ZFAND3: variants seen among roughly 807,000 people sequenced by gnomAD.
ZFAND3 encodes zinc finger AN1-type containing 3, also known as AN1-type zinc finger protein 3.
ZFAND3 carries 10 observed loss-of-function variants against 29.6 expected under a neutral mutation model. That is an observed-to-expected ratio of 0.34 (90% CI 0.21 to 0.57). The LOEUF (loss-of-function observed/expected upper bound fraction) is 0.57, where lower values mean the gene tolerates loss of function less well. ZFAND3 is among the 20% of genes least tolerant of loss of function. ZFAND3 has a pLI of 0.86. For synonymous variants in ZFAND3, 128 were observed against 112.6 expected, an observed-to-expected ratio of 1.14 and a Z score of -0.87; for missense variants, 230 against 304.5, an observed-to-expected ratio of 0.76 and a Z score of 1.82.
intron 2 of ZFAND3, among the ~76,000 whole-genome samples, chr6:37,987,659 G>GT (rs1438749880): frequency 6.6e-6 from 1 of 152,186 alleles, no homozygotes; most frequent in African/African-American, 2.4e-5. Context: ...TAACCCCTGT[G>GT]TAAGCACTGC....
chr6:38,128,043 C>T (rs1188767832), intron 5 of ZFAND3, among the ~76,000 whole-genome samples: 2 of 152,170 alleles, frequency 1.3e-5, no homozygotes, highest in Non-Finnish European at 2.9e-5. Context: ...AAAACCTTGC[C>T]CAGGACTTGG....
At chr6:38,062,859 G>T (rs891167175) in intron 3 of ZFAND3, among the ~76,000 whole-genome samples, 5 of 152,004 alleles carry the variant, frequency 3.3e-5, no homozygotes, top group African/African-American at 9.7e-5. Context: ...GCCAAGCCAG[G>T]AGGATTGCTT....
At chr6:38,056,123 A>G (rs1316424556) in intron 2 of ZFAND3, among the ~76,000 whole-genome samples, 1 of 152,232 alleles carries the variant, frequency 6.6e-6, no homozygotes. Context: ...TCTATGATAT[A>G]ACTTAAGGAA....
intron 5 of ZFAND3, among the ~76,000 whole-genome samples, chr6:38,148,960 C>T (rs1232096273): frequency 5.9e-5 from 9 of 152,140 alleles, no homozygotes. Context: ...CAGAGTTTCC[C>T]CCAAAGTTTT....
chr6:37,826,628 C>T (rs1763765593), intron 1 of ZFAND3, among the ~76,000 whole-genome samples: 1 of 151,960 alleles, frequency 6.6e-6, no homozygotes, highest in Non-Finnish European at 1.5e-5. Context: ...TGGCATGCTC[C>T]TGTAGTCTCA....
At chr6:37,938,446 A>G (rs1196707250) in intron 2 of ZFAND3, among the ~76,000 whole-genome samples, 1 of 152,094 alleles carries the variant, frequency 6.6e-6, no homozygotes, top group Non-Finnish European at 1.5e-5. Context: ...CTGTAGAGGG[A>G]CATTTGTTTT....
intron 2 of ZFAND3, among the ~76,000 whole-genome samples, chr6:37,946,598 G>C (rs1415996604): frequency 6.6e-6 from 1 of 152,046 alleles, no homozygotes; most frequent in African/African-American, 2.4e-5. Flanking sequence ...GATCAGGGTT[G>C]GGGGAGAGGG....
chr6:37,918,951 C>CTTTTTTTTTT (rs66941014), intron 1 of ZFAND3, among the ~76,000 whole-genome samples: 3,795 of 104,248 alleles, frequency 0.036, 397 homozygotes, highest in African/African-American at 0.068. Context: ...TGAAAAATGC[C>CTTTTTTTTTT]TTTTTTTTTT....
chr6:38,104,885 A>G (rs1247246026), intron 4 of ZFAND3, among the ~76,000 whole-genome samples: 1 of 152,168 alleles, frequency 6.6e-6, no homozygotes, highest in Non-Finnish European at 1.5e-5. Context: ...TTGTCTTCGT[A>G]ATAAGGTACT....
At chr6:37,906,006 C>A (rs1765399682) in intron 1 of ZFAND3, among the ~76,000 whole-genome samples, 1 of 152,034 alleles carries the variant, frequency 6.6e-6, no homozygotes, top group Non-Finnish European at 1.5e-5. Context: ...ATGTTGTACA[C>A]CCACAGGCAG....
intron 3 of ZFAND3, among the ~76,000 whole-genome samples, chr6:38,078,086 A>G (rs1354613418): frequency 6.6e-6 from 1 of 152,208 alleles, no homozygotes; most frequent in Non-Finnish European, 1.5e-5. Context: ...CTTCAACTTT[A>G]TAGGGCTGCA....
intron 1 of ZFAND3, among the ~76,000 whole-genome samples, chr6:37,860,042 T>A (rs1413831847): frequency 1.3e-5 from 2 of 150,298 alleles, no homozygotes; most frequent in Non-Finnish European, 3.0e-5. Context: ...CAGCTAATTT[T>A]TTTTTTTTTT....
intron 2 of ZFAND3, among the ~76,000 whole-genome samples, chr6:37,964,647 T>TA (rs1378448509): frequency 6.6e-6 from 1 of 152,194 alleles, no homozygotes; most frequent in Non-Finnish European, 1.5e-5. Context: ...ACTACTCTCT[T>TA]ATATACCGCA....
At chr6:37,904,953 A>C (rs11962368) in intron 1 of ZFAND3, among the ~76,000 whole-genome samples, 3,126 of 152,238 alleles carry the variant, frequency 0.021, 99 homozygotes, top group African/African-American at 0.072. Context: ...TTCATATAAT[A>C]CATTTATGTG....
chr6:37,869,543 C>G (rs1216996443), intron 1 of ZFAND3, among the ~76,000 whole-genome samples: 1 of 148,740 alleles, frequency 6.7e-6, no homozygotes, highest in African/African-American at 2.5e-5. Context: ...TAGGGTCTTG[C>G]TGTCACCCAG....
intron 1 of ZFAND3, among the ~76,000 whole-genome samples, chr6:37,883,223 T>G (rs1764929235): frequency 6.6e-6 from 1 of 152,120 alleles, no homozygotes; most frequent in African/African-American, 2.4e-5. Flanking sequence ...ACTCTTTTTG[T>G]ACAAAAACAC....
At chr6:37,823,133 G>GA (rs1763697280) in intron 1 of ZFAND3, among the ~76,000 whole-genome samples, 1 of 152,150 alleles carries the variant, frequency 6.6e-6, no homozygotes, top group South Asian at 2.1e-4. Context: ...GTGTCTGTAT[G>GA]AATGTGATAT....
chr6:37,821,801 G>C (rs1561900380), intron 1 of ZFAND3, among the ~76,000 whole-genome samples: 1 of 152,222 alleles, frequency 6.6e-6, no homozygotes, highest in Non-Finnish European at 1.5e-5. Context: ...TCAAGGCTTA[G>C]AAACTAAGGA....
chr6:38,147,421 T>C (rs917261238), intron 5 of ZFAND3, among the ~76,000 whole-genome samples: 10 of 152,258 alleles, frequency 6.6e-5, no homozygotes, highest in African/African-American at 2.4e-4. Flanking sequence ...TTCATATCTT[T>C]GCTTTTGTGA....
Sources: gnomAD v4.1 joint callset for allele counts (sites outside exome capture counted in the v4.1 genomes callset) on GRCh38, gnomAD v4.1.1 for gene constraint, MANE v1.5 for transcripts, NCBI Gene and HGNC (gene_info 2026-07-23, HGNC 2026-07-21) for gene names.